The following MIA3 variants were observed in gnomAD, a reference collection of about 807,000 sequenced individuals.
MIA3 encodes the protein MIA SH3 domain ER export factor 3.
A neutral mutation model predicts 192.4 loss-of-function variants in MIA3; 90 were observed. That is an observed-to-expected ratio of 0.47 (90% CI 0.39 to 0.56). MIA3 has a LOEUF of 0.56. Ranked by LOEUF, MIA3 falls within the 20% of genes least tolerant of loss-of-function variation. The pLI is 0.00. For missense variants in MIA3, 2,123 were observed against 2,269.4 expected, an observed-to-expected ratio of 0.94 and a Z score of 1.31; for synonymous variants, 740 against 792.8, an observed-to-expected ratio of 0.93 and a Z score of 1.12.
rs1553291617 is a variant in MIA3 at position 222,666,701 on chromosome 1, T to TGGGCGGG, written c.*1085_*1086insCGGGGGG. 2.3e-5 allele frequency: 3 copies of TGGGCGGG among 132,892 alleles called. No homozygotes were observed. The highest frequency in any genetic ancestry group is 3.8e-3 in the Middle Eastern group (1 of 262). 8.2% of individuals were successfully genotyped at this position (132,892 alleles called of 1,614,324 possible). On this transcript the variant is annotated 3_prime_UTR_variant, in exon 28 of 28. Transcript: ENST00000344922. ...AAATCAGTTCTGTTTTAGGGGGAAA[T>TGGGCGGG]GGGGGCGACAGATATTATTCCAAAA...
chr1:222,653,478 A>G (rs989237456), intron 15 of MIA3, 139 bp downstream of exon 15: 1 of 638,078 alleles, frequency 1.6e-6, no homozygotes. Flanking sequence ...GTCTGTTTGC[A>G]TTGGGCAGAG....
intron 6 of MIA3, chr1:222,644,320 G>T: frequency 2.1e-6 from 3 of 1,448,364 alleles, no homozygotes; most frequent in Non-Finnish European, 1.8e-6. Flanking sequence ...TTTATAGGCG[G>T]CATAAAGCGA....
At chr1:222,658,304 T>C (rs1663837608) in intron 18 of MIA3, among the ~76,000 whole-genome samples, 1 of 152,208 alleles carries the variant, frequency 6.6e-6, no homozygotes, top group Non-Finnish European at 1.5e-5. Flanking sequence ...CAGCCTTGGA[T>C]TGAGAAACAG....
Position 222,645,492 on chromosome 1 carries a change from C to T in MIA3, c.3478-62C>T, listed in dbSNP as rs372802446. The T allele has an allele frequency of 2.7e-6, 4 of 1,461,000 alleles. No homozygotes were observed. The East Asian group carries it at 7.5e-5, about 27-fold the overall frequency. The allele number at this position is 1,461,000 out of a possible 1,614,324, so 90.5% of individuals were successfully genotyped here. On this transcript the variant is annotated intron_variant, in intron 6 of 27. Coordinates refer to ENST00000344922, the MANE Select transcript of MIA3 (RefSeq NM_198551.4). ...AATTTCTGTGAATGAGTCTTTGTGA[C>T]TGCTTTATGGTAAGCTTCTTTAAGG...
In MIA3 at chr1:222,650,305, A is replaced by C. The variant is rs975413561; in HGVS notation, c.3645A>C (p.Gln1215His). 14 of 1,604,768 alleles carry C rather than the reference A, an allele frequency of 8.7e-6. No individual in the cohort carries two copies. The highest frequency in any genetic ancestry group is 1.7e-4 in the Middle Eastern group (1 of 6,048). ...KDRVYQVTEQQISEKLKTIMK... is the reference protein window; with the variant it reads ...KDRVYQVTEQHISEKLKTIMK... The stretch of plus-strand genomic sequence containing the variant: ...TTCTTTTTTCAGTCACGGAACAGCA[A>C]ATTTCTGAGAAGTTGAAGACTATCA... Residue 1215 changes from glutamine to histidine, a missense_variant, in exon 9 of 28, where the codon CAA becomes CAC. By Grantham distance (24) the Gln-to-His change is conservative. This residue lies in a region of MIA3 where 762 missense variants were observed against 856.4 expected (regional missense o/e 0.89). Transcript: ENST00000344922.
rs773991416 is a variant in MIA3, at chr1:222,628,987, C to T, written c.1767C>T (p.Asn589=). The change falls in exon 4 of 28, where the codon AAC becomes AAT. Residue 589 remains asparagine (N), a synonymous_variant. Transcript: ENST00000344922. The part of the protein sequence containing the change: ...SAPLMGDDHP[N]ASRDSVEGDA... ...CACTCATGGGAGATGACCACCCTAACGCATCCAGAGACAGTGTGGAGGGAG... is the reference window on the plus strand; with the variant it reads ...CACTCATGGGAGATGACCACCCTAATGCATCCAGAGACAGTGTGGAGGGAG... 8.1e-6 allele frequency: 13 copies of T among 1,614,036 alleles called. No homozygotes were observed. The highest frequency in any genetic ancestry group is 3.3e-4 in the Middle Eastern group (2 of 6,084).
intron 19 of MIA3, 77 bp from the exon 20 acceptor site, chr1:222,659,376 T>A: frequency 1.5e-6 from 2 of 1,297,730 alleles, no homozygotes; most frequent in Non-Finnish European, 2.2e-6. Context: ...GTTGTTAGGG[T>A]AACGGTTAAC....
At chr1:222,648,975 T>C (rs768683111) in intron 8 of MIA3, 125 bp downstream of exon 8, 3 of 642,158 alleles carry the variant, frequency 4.7e-6, no homozygotes, top group Non-Finnish European at 8.0e-6. Flanking sequence ...CTGAAAACTT[T>C]ACTGTTCCTA....
chr1:222,627,288 C>A (rs1662161802), intron 3 of MIA3, among the ~76,000 whole-genome samples: 1 of 152,122 alleles, frequency 6.6e-6, no homozygotes, highest in African/African-American at 2.4e-5. Context: ...CCAGCAGGTC[C>A]CAAACAGAAA....
Position 222,629,336 on chromosome 1 carries a change from G to C in MIA3, c.2116G>C (p.Asp706His), listed in dbSNP as rs761131334. 49 of 1,614,034 alleles carry C rather than the reference G, an allele frequency of 3.0e-5. No homozygotes were observed. The South Asian group carries it at 5.1e-4, about 17-fold the overall frequency. The change falls in exon 4 of 28, where the codon GAC becomes CAC. Residue 706 changes from aspartate (D) to histidine (H), a missense_variant. Coordinates refer to ENST00000344922, the MANE Select transcript of MIA3 (RefSeq NM_198551.4). ...GCAGGGCACAGAGGTAGGACAGACA[G>C]ACCAAACTGACAGCACAGGAGGACC... is the stretch of plus-strand genomic sequence containing the variant. Reference protein sequence around the residue: ...AMQGTEVGQTDQTDSTGGPAF... With the variant: ...AMQGTEVGQTHQTDSTGGPAF...
chr1:222,642,269 A>T (rs1318217474), intron 6 of MIA3, among the ~76,000 whole-genome samples: 1 of 152,168 alleles, frequency 6.6e-6, no homozygotes, highest in Non-Finnish European at 1.5e-5. Context: ...TAACTTATTG[A>T]ATGTCATATT....
At chr1:222,625,050 C>T (rs906679066) in intron 3 of MIA3, among the ~76,000 whole-genome samples, 196 bp downstream of exon 3, 18 of 151,692 alleles carry the variant, frequency 1.2e-4, no homozygotes, top group East Asian at 1.9e-4. Context: ...CGCTCTGTCA[C>T]CCAGGCTGGA....
chr1:222,639,293 C>G (rs1662756471), intron 6 of MIA3, among the ~76,000 whole-genome samples: 1 of 152,130 alleles, frequency 6.6e-6, no homozygotes, highest in Non-Finnish European at 1.5e-5. Flanking sequence ...CTGCTGAATT[C>G]TATTAAACTT....
Position 222,630,400 on chromosome 1 carries a change from T to A in MIA3, c.3169+11T>A. On this transcript the variant is annotated intron_variant, in intron 4 of 27. Transcript: ENST00000344922. ...GTGGAGCAATGGAAGGTGAGATGCC[T>A]ATGGCCTTGTAGAACAGGGCTGGAG... 6.3e-7 allele frequency: 1 copy of A among 1,581,528 alleles called. No individual in the cohort carries two copies. The highest frequency in any genetic ancestry group is 8.6e-7 in the Non-Finnish European group (1 of 1,165,496).
At chr1:222,645,937 G>T in intron 7 of MIA3, 1 of 333,696 alleles carries the variant, frequency 3.0e-6, no homozygotes, top group South Asian at 3.4e-5. Flanking sequence ...GAATTAGGTG[G>T]GTCTGTATTT....
At chr1:222,660,534 A>T (rs1475637748) in intron 24 of MIA3, 2 of 373,754 alleles carry the variant, frequency 5.4e-6, no homozygotes, top group African/African-American at 4.2e-5. Flanking sequence ...TTTCTCTTTA[A>T]TTTTTTACTC....
At chr1:222,650,084 C>A in intron 8 of MIA3, 1 of 547,328 alleles carries the variant, frequency 1.8e-6, no homozygotes, top group Middle Eastern at 4.9e-4. Context: ...TTCCACCAGG[C>A]CCCACCTGAA....
chr1:222,658,748 G>T lies in MIA3; in HGVS notation c.4634G>T (p.Arg1545Leu). Residue 1545 changes from arginine (R) to leucine (L), a missense_variant, in exon 19 of 28, where the codon CGG becomes CTG. Coordinates refer to ENST00000344922, the MANE Select transcript of MIA3 (RefSeq NM_198551.4). ...QKKLSQEEYE[R>L]QEREHRLSAA... is the part of the protein sequence containing the mutation. Reference sequence around the variant, plus strand: ...AAACTGAGTCAAGAAGAGTATGAACGGCAAGAAAGAGAGCACAGGCTGTCA... The same window carrying T: ...AAACTGAGTCAAGAAGAGTATGAACTGCAAGAAAGAGAGCACAGGCTGTCA... 1 of 1,611,948 alleles carries T rather than the reference G, an allele frequency of 6.2e-7. No homozygotes were observed. The highest frequency in any genetic ancestry group is 8.5e-7 in the Non-Finnish European group (1 of 1,179,166).
intron 1 of MIA3, among the ~76,000 whole-genome samples, chr1:222,620,392 G>A (rs1661801786): frequency 6.6e-6 from 1 of 152,240 alleles, no homozygotes; most frequent in African/African-American, 2.4e-5. Flanking sequence ...CCAGCCAAAT[G>A]AGATGTCGAC....
Sources: gnomAD v4.1 joint callset for allele counts (sites outside exome capture counted in the v4.1 genomes callset) on GRCh38, gnomAD v4.1.1 for gene constraint, gnomAD v4.1.1 regional missense constraint, MANE v1.5 for transcripts, NCBI Gene and HGNC (gene_info 2026-07-23, HGNC 2026-07-21) for gene names.